CACNA2D3: variants seen among roughly 807,000 people sequenced by gnomAD.
CACNA2D3 encodes the protein voltage-dependent calcium channel subunit alpha-2/delta-3.
A neutral mutation model predicts 160.6 loss-of-function variants in CACNA2D3; 60 were observed. The ratio of observed to expected loss-of-function variants is 0.37; its 90% CI spans 0.30 to 0.46. CACNA2D3 has a LOEUF of 0.46. Ranked by LOEUF, CACNA2D3 falls within the 20% of genes least tolerant of loss-of-function variation. CACNA2D3 has a pLI of 1.00. For missense variants in CACNA2D3, 1,205 were observed against 1,365.0 expected (o/e 0.88, Z 1.85); for synonymous variants, 558 against 492.9 (o/e 1.13, Z -1.75).
At chr3:54,700,196 C>T (rs921431285) in intron 11 of CACNA2D3, among the ~76,000 whole-genome samples, 2 of 152,236 alleles carry the variant, frequency 1.3e-5, no homozygotes, top group African/African-American at 4.8e-5. Context: ...AGCTCACTTT[C>T]ACCTTCACGA....
At chr3:54,434,365 AC>A (rs1700031755) in intron 4 of CACNA2D3, among the ~76,000 whole-genome samples, 1 of 152,120 alleles carries the variant, frequency 6.6e-6, no homozygotes. Context: ...CTCCACACCC[AC>A]CCAGCAGCAG....
intron 5 of CACNA2D3, among the ~76,000 whole-genome samples, chr3:54,530,612 C>G (rs904371257): frequency 3.3e-5 from 5 of 152,090 alleles, no homozygotes; most frequent in African/African-American, 4.8e-5. Context: ...CACTATACAC[C>G]AGGCACTGGG....
intron 3 of CACNA2D3, among the ~76,000 whole-genome samples, chr3:54,339,546 C>T (rs1704469539): frequency 6.6e-6 from 1 of 152,128 alleles, no homozygotes; most frequent in Non-Finnish European, 1.5e-5. Flanking sequence ...AGAACTTTAG[C>T]CCAGTGAGGA....
chr3:55,070,542 A>G (rs1704779767), intron 35 of CACNA2D3, among the ~76,000 whole-genome samples: 1 of 152,166 alleles, frequency 6.6e-6, no homozygotes, highest in African/African-American at 2.4e-5. Context: ...CTTTTCCACC[A>G]GTCACATCCT....
intron 13 of CACNA2D3, among the ~76,000 whole-genome samples, chr3:54,776,808 A>G (rs1702433980): frequency 1.3e-5 from 2 of 152,064 alleles, no homozygotes; most frequent in Admixed American, 1.3e-4. Flanking sequence ...CACATCCTGG[A>G]GGATGCTGCC....
Position 54,309,014 on chromosome 3 carries a change from A to G in CACNA2D3, c.205-11428A>G, listed in dbSNP as rs143201361. On this transcript the variant is annotated intron_variant, in intron 2 of 37. Coordinates refer to ENST00000474759, the MANE Select transcript of CACNA2D3 (RefSeq NM_018398.3). ...TGCATAAAGACACTTGTAAATGCAT[A>G]CAAAGAGATATTTCTTCTCTAGCAC... Among the ~76,000 whole-genome samples, 612 of 152,366 alleles carry G rather than the reference A, an allele frequency of 4.0e-3. 7 individuals are homozygous for G. The highest frequency in any genetic ancestry group is 0.014 in the African/African-American group (572 of 41,578).
chr3:54,745,784 G>T (rs1427923704), intron 11 of CACNA2D3, among the ~76,000 whole-genome samples: 1 of 152,068 alleles, frequency 6.6e-6, no homozygotes, highest in African/African-American at 2.4e-5. Flanking sequence ...TTGGCCAGAA[G>T]ATTACAAAGA....
At chr3:54,846,551 G>T in intron 17 of CACNA2D3, 84 bp downstream of exon 17, 1 of 855,766 alleles carries the variant, frequency 1.2e-6, no homozygotes, top group Non-Finnish European at 1.9e-6. Flanking sequence ...ACACTTTGCT[G>T]CAGTTTTCAC....
At chr3:54,144,918 C>T (rs1699997677) in intron 2 of CACNA2D3, among the ~76,000 whole-genome samples, 1 of 152,222 alleles carries the variant, frequency 6.6e-6, no homozygotes, top group Admixed American at 6.5e-5. Context: ...TAAAAAACTT[C>T]TGCTGTTTTT....
intron 3 of CACNA2D3, among the ~76,000 whole-genome samples, chr3:54,375,655 G>C (rs2107552420): frequency 6.6e-6 from 1 of 152,234 alleles, no homozygotes; most frequent in South Asian, 2.1e-4. Flanking sequence ...GACCTTTTGG[G>C]TCATAGTCAT....
At chr3:54,192,464 C>G (rs1701001237) in intron 2 of CACNA2D3, among the ~76,000 whole-genome samples, 1 of 152,090 alleles carries the variant, frequency 6.6e-6, no homozygotes, top group South Asian at 2.1e-4. Flanking sequence ...ATAGCAGTAG[C>G]CAAACAGACC....
chr3:54,755,480 C>T (rs1454993260), intron 12 of CACNA2D3, among the ~76,000 whole-genome samples: 3 of 152,178 alleles, frequency 2.0e-5, no homozygotes, highest in Non-Finnish European at 4.4e-5. Context: ...AAAGGAAGGG[C>T]TGCATGGAAG....
chr3:54,709,920 G>C (rs1169098156), intron 11 of CACNA2D3, among the ~76,000 whole-genome samples: 2 of 152,118 alleles, frequency 1.3e-5, no homozygotes, highest in African/African-American at 4.8e-5. Flanking sequence ...GCAAGACCCT[G>C]TCTCTAAAAT....
At chr3:54,934,018 G>A (rs1208743337) in intron 27 of CACNA2D3, among the ~76,000 whole-genome samples, 2 of 152,144 alleles carry the variant, frequency 1.3e-5, no homozygotes, top group Non-Finnish European at 2.9e-5. Context: ...TGGTCCACCT[G>A]CCTCGGCCTC....
intron 11 of CACNA2D3, among the ~76,000 whole-genome samples, chr3:54,684,437 A>G (rs1013176878): frequency 2.6e-5 from 4 of 152,196 alleles, no homozygotes; most frequent in African/African-American, 4.8e-5. Flanking sequence ...GCCAACAGCA[A>G]ACACCACCTT....
chr3:55,032,061 A>G (rs1236058926), intron 35 of CACNA2D3, among the ~76,000 whole-genome samples: 1 of 152,170 alleles, frequency 6.6e-6, no homozygotes, highest in Admixed American at 6.6e-5. Context: ...ACTTTTCAAA[A>G]AGAGTTTTGT....
At chr3:54,653,064 T>G (rs751082413) in intron 11 of CACNA2D3, among the ~76,000 whole-genome samples, 3 of 152,134 alleles carry the variant, frequency 2.0e-5, no homozygotes, top group Admixed American at 6.5e-5. Flanking sequence ...ATTACAGGCA[T>G]GAGCCACCGT....
chr3:54,311,063 C>G lies in CACNA2D3; in HGVS notation c.205-9379C>G, dbSNP rs557977533. On this transcript the variant is annotated intron_variant, in intron 2 of 37. Coordinates refer to ENST00000474759, the MANE Select transcript of CACNA2D3 (RefSeq NM_018398.3). ...TGGTGATTCTACTGCGATTTGAACC[C>G]TGGCCAGTAATTCTAAGCCAAGCGG... is the stretch of plus-strand genomic sequence containing the variant. Among the ~76,000 whole-genome samples, 74 of 152,312 alleles carry G rather than the reference C, an allele frequency of 4.9e-4. No homozygotes were observed. In the Middle Eastern group the frequency reaches 0.01, roughly 21 times the overall value.
At chr3:54,224,447 G>C (rs985675572) in intron 2 of CACNA2D3, among the ~76,000 whole-genome samples, 2 of 152,272 alleles carry the variant, frequency 1.3e-5, no homozygotes, top group East Asian at 1.9e-4. Flanking sequence ...TAATAGGTTT[G>C]TTTACACCAG....
Sources: allele counts gnomAD v4.1 joint callset (sites outside exome capture counted in the v4.1 genomes callset), GRCh38; gene constraint gnomAD v4.1.1; transcripts MANE v1.5; gene names NCBI Gene and HGNC (gene_info 2026-07-23, HGNC 2026-07-21).